The following CSMD1 variants were observed in gnomAD, a reference collection of about 807,000 sequenced individuals.
The protein encoded by CSMD1 is CUB and Sushi multiple domains 1, also known as CUB and sushi domain-containing protein 1.
A neutral mutation model predicts 417.5 loss-of-function variants in CSMD1; 213 were observed. The observed-to-expected ratio is 0.51, with a 90% CI of 0.46 to 0.57. CSMD1 has a LOEUF of 0.57. Among genes scored for constraint, CSMD1 ranks in the 20% least tolerant of loss-of-function variants. The pLI, the probability that CSMD1 is intolerant of heterozygous loss-of-function variation, is 0.00. For missense variants in CSMD1, 6,923 were observed against 4,529.7 expected (o/e 1.53, Z -15.17); for synonymous variants, 2,862 against 1,736.8 (o/e 1.65, Z -16.11).
intron 1 of CSMD1, among the ~76,000 whole-genome samples, chr8:4,722,834 T>C (rs1340555213): frequency 6.6e-6 from 1 of 152,154 alleles, no homozygotes; most frequent in Non-Finnish European, 1.5e-5. Flanking sequence ...TCATAAATAC[T>C]ACTGGAATGA....
intron 3 of CSMD1, among the ~76,000 whole-genome samples, chr8:4,181,317 A>G (rs952067449): frequency 7.9e-5 from 12 of 152,270 alleles, no homozygotes; most frequent in African/African-American, 2.9e-4. Context: ...TATGACATAT[A>G]TATCCATGCT....
At chr8:3,751,632 T>C (rs2129053239) in intron 6 of CSMD1, among the ~76,000 whole-genome samples, 1 of 151,782 alleles carries the variant, frequency 6.6e-6, no homozygotes, top group Admixed American at 6.6e-5. Context: ...TTTCATTAAT[T>C]ACATATTTTT....
chr8:3,066,160 T>A (rs977723441), intron 49 of CSMD1, among the ~76,000 whole-genome samples: 1 of 152,190 alleles, frequency 6.6e-6, no homozygotes, highest in African/African-American at 2.4e-5. Context: ...GGCTGCTGGT[T>A]CTAGCATCGT....
intron 7 of CSMD1, 103 bp from the exon 8 acceptor site, chr8:3,616,900 T>A (rs1157817979): frequency 4.3e-6 from 3 of 700,214 alleles, no homozygotes; most frequent in Non-Finnish European, 7.1e-6. Flanking sequence ...TGATAATGAC[T>A]TAAAATGTGA....
chr8:4,284,828 AAAAAC>A (rs1024041536), intron 3 of CSMD1, among the ~76,000 whole-genome samples: 1 of 152,184 alleles, frequency 6.6e-6, no homozygotes, highest in Admixed American at 6.5e-5. Flanking sequence ...GGCCGTGTTC[AAAAAC>A]AAAACAAAAC....
chr8:3,103,890 C>G (rs769641052), intron 46 of CSMD1, among the ~76,000 whole-genome samples: 1 of 151,968 alleles, frequency 6.6e-6, no homozygotes, highest in Non-Finnish European at 1.5e-5. Flanking sequence ...ATTACAGGCA[C>G]GTGCCACCAC....
At chr8:4,514,963 C>T (rs541261515) in intron 2 of CSMD1, among the ~76,000 whole-genome samples, 11 of 152,282 alleles carry the variant, frequency 7.2e-5, no homozygotes, top group African/African-American at 2.4e-4. Context: ...AGATTTTTGG[C>T]CTTTTAAGCC....
At chr8:3,126,430 C>T (rs574333928) in intron 41 of CSMD1, among the ~76,000 whole-genome samples, 1 of 152,120 alleles carries the variant, frequency 6.6e-6, no homozygotes, top group Non-Finnish European at 1.5e-5. Flanking sequence ...AAGGGCATTG[C>T]TACAGAGAAT....
intron 5 of CSMD1, among the ~76,000 whole-genome samples, chr8:3,815,113 T>C (rs1476313027): frequency 2.0e-5 from 3 of 152,200 alleles, no homozygotes; most frequent in Non-Finnish European, 2.9e-5. Flanking sequence ...AGAAAATAAT[T>C]AGACATGGGA....
rs982405447 is a variant in CSMD1, at chr8:3,428,425, G to A, written c.1562-18820C>T. ...GCTTTAAAGAAATGGCACGAGAAAC[G>A]AAACTGTCAAGAATATTAAATCACC... On this transcript the variant is annotated intron_variant, in intron 12 of 69. Coordinates refer to ENST00000635120, the MANE Select transcript of CSMD1 (RefSeq NM_033225.6). Among the ~76,000 whole-genome samples the A allele has an allele frequency of 4.6e-5, 7 of 152,200 alleles. 1 individual carries two copies. Among genetic ancestry groups the A allele is most frequent in the South Asian group, 4.2e-4 (2 of 4,818 alleles).
intron 3 of CSMD1, among the ~76,000 whole-genome samples, chr8:4,246,767 G>T (rs1246795457): frequency 3.9e-5 from 6 of 152,222 alleles, no homozygotes; most frequent in African/African-American, 1.4e-4. Flanking sequence ...GGATCAAGAA[G>T]ATTTTTTAAG....
intron 51 of CSMD1, among the ~76,000 whole-genome samples, chr8:3,021,627 G>A (rs576888934): frequency 6.6e-6 from 1 of 152,320 alleles, no homozygotes; most frequent in East Asian, 1.9e-4. Context: ...ACAGCATCCG[G>A]AAATCACCTG....
chr8:3,632,935 T>A (rs1796855836), intron 7 of CSMD1, among the ~76,000 whole-genome samples: 1 of 152,228 alleles, frequency 6.6e-6, no homozygotes, highest in African/African-American at 2.4e-5. Context: ...ATTATAATGA[T>A]CATTTCAGAA....
intron 54 of CSMD1, among the ~76,000 whole-genome samples, chr8:2,983,496 A>G (rs1277547807): frequency 1.3e-5 from 2 of 152,156 alleles, no homozygotes; most frequent in East Asian, 1.9e-4. Context: ...TTTCTGTTGT[A>G]TATTTTTAAC....
At chr8:4,252,584 T>C (rs1209385391) in intron 3 of CSMD1, among the ~76,000 whole-genome samples, 1 of 152,224 alleles carries the variant, frequency 6.6e-6, no homozygotes, top group Non-Finnish European at 1.5e-5. Flanking sequence ...CTACACAATG[T>C]CTACTCTCAG....
At chr8:4,266,820 C>G (rs1504759) in intron 3 of CSMD1, among the ~76,000 whole-genome samples, 95,383 of 102,906 alleles carry the variant, frequency 0.93, 45,560 homozygotes, top group East Asian at 1. Flanking sequence ...ATTGTGATGA[C>G]TTTTCATTTA....
chr8:4,991,706 G>T (rs1430221785), intron 1 of CSMD1, among the ~76,000 whole-genome samples: 1 of 152,124 alleles, frequency 6.6e-6, no homozygotes, highest in African/African-American at 2.4e-5. Context: ...GGGGAGGCCC[G>T]ACCTTGGTCA....
In CSMD1 at chr8:2,963,511, T is replaced by C. The variant is rs571629417; in HGVS notation, c.9281-116A>G. On this transcript the variant is annotated intron_variant, in intron 59 of 69. Transcript: ENST00000635120. The stretch of plus-strand genomic sequence containing the variant: ...TACAAATGACATCTACATAGGTTTT[T>C]AAAAAAAAATAATAAAAGAATTGCC... The C allele has an allele frequency of 8.6e-5, 81 of 937,022 alleles. 1 individual carries two copies. The highest frequency in any genetic ancestry group is 5.7e-4 in the Middle Eastern group (2 of 3,532). 58.0% of individuals were successfully genotyped at this position (937,022 alleles called of 1,614,324 possible).
intron 5 of CSMD1, among the ~76,000 whole-genome samples, chr8:3,920,350 CGTGTGTGTTT>C (rs1181452812): frequency 2.4e-5 from 3 of 123,470 alleles, no homozygotes; most frequent in East Asian, 4.1e-4. Flanking sequence ...TTCTAAGATG[CGTGTGTGTTT>C]GTGTGTGTGT....
Sources: gnomAD v4.1 joint callset for allele counts (sites outside exome capture counted in the v4.1 genomes callset) on GRCh38, gnomAD v4.1.1 for gene constraint, MANE v1.5 for transcripts, NCBI Gene and HGNC (gene_info 2026-07-23, HGNC 2026-07-21) for gene names.